Variants in LZTS1 observed in about 807,000 individuals in gnomAD.
The protein encoded by LZTS1 is leucine zipper putative tumor suppressor 1.
A neutral mutation model predicts 45.8 loss-of-function variants in LZTS1; 31 were observed. The observed-to-expected ratio is 0.68, with a 90% CI of 0.51 to 0.91. The LOEUF (loss-of-function observed/expected upper bound fraction) is 0.91. Ranked by LOEUF, LZTS1 falls within the 40% of genes least tolerant of loss-of-function variation. LZTS1 has a pLI of 0.00. For missense variants in LZTS1, 821 were observed against 788.9 expected, an observed-to-expected ratio of 1.04 and a Z score of -0.49; for synonymous variants, 359 against 357.3, an observed-to-expected ratio of 1.00 and a Z score of -0.05.
At chr8:20,261,079 C>T (rs1006032220) in intron 1 of LZTS1, among the ~76,000 whole-genome samples, 2 of 152,166 alleles carry the variant, frequency 1.3e-5, no homozygotes, top group South Asian at 2.1e-4. Flanking sequence ...TCAACAGACA[C>T]ATTTTTATTT....
chr8:20,297,321 A>G (rs1395390918), intron 1 of LZTS1, among the ~76,000 whole-genome samples: 1 of 152,222 alleles, frequency 6.6e-6, no homozygotes, highest in East Asian at 1.9e-4. Context: ...AGCTATAAAG[A>G]AAGAACTGAC....
At chr8:20,282,236 G>C (rs571357280) in intron 1 of LZTS1, among the ~76,000 whole-genome samples, 1 of 152,328 alleles carries the variant, frequency 6.6e-6, no homozygotes, top group African/African-American at 2.4e-5. Flanking sequence ...GAGACTTCAA[G>C]TTTCAGAGAG....
rs763688876 is a variant in LZTS1 at position 20,253,472 on chromosome 8, A to T, written c.459T>A (p.Pro153=). 25 of 1,605,756 alleles carry T rather than the reference A, an allele frequency of 1.6e-5. No individual in the cohort carries two copies. The highest frequency in any genetic ancestry group is 2.1e-5 in the Non-Finnish European group (25 of 1,176,838). ...GCTCCTGCTCCTTGGGCTTGTCTGG[A>T]GGGGCGGGGTGCAGCTGGTGGCTGG... ...ESASHQLHPA[P]PDKPKEQELK... The change falls in exon 3 of 4, where the codon CCT becomes CCA. Residue 153 remains proline (P), a synonymous_variant. Transcript: ENST00000381569.
At chr8:20,276,676 T>C (rs1006067335) in intron 1 of LZTS1, among the ~76,000 whole-genome samples, 2 of 152,234 alleles carry the variant, frequency 1.3e-5, no homozygotes, top group Non-Finnish European at 2.9e-5. Flanking sequence ...GCTGGGGTCA[T>C]GGGAACTCCA....
chr8:20,281,498 G>A (rs1394363124), intron 1 of LZTS1, among the ~76,000 whole-genome samples: 3 of 152,134 alleles, frequency 2.0e-5, no homozygotes, highest in Non-Finnish European at 1.5e-5. Flanking sequence ...GCTTGCACCT[G>A]AGGCAGAAGT....
In LZTS1 at chr8:20,281,375, C is replaced by A. The variant is rs542649927; in HGVS notation, c.-135+22365G>T. On this transcript the variant is annotated intron_variant, in intron 1 of 3. Transcript: ENST00000381569. Reference sequence around the variant, plus strand: ...AGCAGTTCAAGACCAGCCTGGCCAACATGGTGAAACCCCATCTCTACTAAA... The same window carrying A: ...AGCAGTTCAAGACCAGCCTGGCCAAAATGGTGAAACCCCATCTCTACTAAA... 1.1e-3 allele frequency among the ~76,000 whole-genome samples: 155 copies of A among 142,494 alleles called. 1 individual carries two copies. Among genetic ancestry groups the A allele is most frequent in the Admixed American group, 6.8e-3 (94 of 13,756 alleles). The allele number at this position is 142,494 out of a possible 152,430, so 93.5% of individuals were successfully genotyped here. A position where few individuals can be genotyped will look rare whatever the true frequency, so the allele number is the denominator to read the frequency against.
intron 1 of LZTS1, among the ~76,000 whole-genome samples, chr8:20,287,319 G>A (rs950871615): frequency 6.6e-6 from 1 of 152,254 alleles, no homozygotes; most frequent in African/African-American, 2.4e-5. Context: ...GGAGCTTCGT[G>A]CCCTGGAAGG....
intron 1 of LZTS1, among the ~76,000 whole-genome samples, chr8:20,276,345 C>T (rs1361275486): frequency 1.3e-5 from 2 of 151,730 alleles, no homozygotes; most frequent in Admixed American, 1.3e-4. Flanking sequence ...CAGCCACTGC[C>T]CCTAACCTCT....
intron 1 of LZTS1, among the ~76,000 whole-genome samples, chr8:20,282,180 G>A (rs1800706060): frequency 6.6e-6 from 1 of 152,184 alleles, no homozygotes; most frequent in South Asian, 2.1e-4. Context: ...TACCCTCACT[G>A]GCACTTACAA....
chr8:20,301,053 G>A (rs1332936860), intron 1 of LZTS1, among the ~76,000 whole-genome samples: 1 of 151,002 alleles, frequency 6.6e-6, no homozygotes, highest in Non-Finnish European at 1.5e-5. Flanking sequence ...CCCAGGAGGT[G>A]GAGGTTGCGG....
chr8:20,249,080 C>G lies in LZTS1; in HGVS notation c.*642G>C, dbSNP rs1167742762. 6.5e-6 allele frequency: 1 copy of G among 153,270 alleles called. No individual in the cohort carries two copies. The highest frequency in any genetic ancestry group is 1.9e-4 in the East Asian group (1 of 5,180). 9.5% of individuals were successfully genotyped at this position (153,270 alleles called of 1,614,324 possible). On this transcript the variant is annotated 3_prime_UTR_variant, in exon 4 of 4. Coordinates refer to ENST00000381569, the MANE Select transcript of LZTS1 (RefSeq NM_021020.5). The stretch of plus-strand genomic sequence containing the variant: ...CCATCACCCGCCACTGGCTCTCAAC[C>G]CTTGGATTCTCCCTCTGCCCTCCTC...
At chr8:20,253,852 G>A (rs879510918) in intron 2 of LZTS1, among the ~76,000 whole-genome samples, 1 of 152,112 alleles carries the variant, frequency 6.6e-6, no homozygotes. Flanking sequence ...CAGCCCTCCC[G>A]AGGTGATAAA....
At chr8:20,280,363 C>T (rs2128897187) in intron 1 of LZTS1, among the ~76,000 whole-genome samples, 1 of 152,274 alleles carries the variant, frequency 6.6e-6, no homozygotes, top group Admixed American at 6.5e-5. Context: ...GGCTCGTGTT[C>T]CTGCTGGCAG....
chr8:20,258,365 GT>G (rs986399348), intron 1 of LZTS1, among the ~76,000 whole-genome samples: 2 of 151,954 alleles, frequency 1.3e-5, no homozygotes, highest in African/African-American at 4.8e-5. Flanking sequence ...TTCTGACTCT[GT>G]TTTTTAATTT....
chr8:20,254,239 G>C (rs958143544), intron 2 of LZTS1, among the ~76,000 whole-genome samples: 1 of 152,224 alleles, frequency 6.6e-6, no homozygotes, highest in Non-Finnish European at 1.5e-5. Context: ...CTCGTGGGAC[G>C]CACGAGGGCT....
chr8:20,288,419 C>T (rs76206829), intron 1 of LZTS1, among the ~76,000 whole-genome samples: 22,356 of 152,090 alleles, frequency 0.15, 1,841 homozygotes, highest in South Asian at 0.27. Context: ...CAGTCCAGGG[C>T]GGGGAGGACA....
At chr8:20,259,941 AG>A (rs1800189918) in intron 1 of LZTS1, among the ~76,000 whole-genome samples, 1 of 151,272 alleles carries the variant, frequency 6.6e-6, no homozygotes, top group Admixed American at 6.6e-5. Flanking sequence ...CTGTCATCCA[AG>A]CTGGACTGCA....
intron 1 of LZTS1, among the ~76,000 whole-genome samples, chr8:20,279,055 ATC>A (rs1166429549): frequency 6.6e-6 from 1 of 152,138 alleles, no homozygotes; most frequent in Admixed American, 6.5e-5. Flanking sequence ...ACAACCTAGA[ATC>A]TCTTTCACAA....
In LZTS1 at chr8:20,250,117, C is replaced by G; in HGVS notation, c.1396G>C (p.Glu466Gln). The part of the protein sequence containing the change: ...RKKNEAELLR[E>Q]KVNLLEQELQ... Reference sequence around the variant, plus strand: ...TCCTGCTCCAGCAGGTTCACCTTCTCCCGCAGCAGCTCCGCCTCGTTCTTC... The same window carrying G: ...TCCTGCTCCAGCAGGTTCACCTTCTGCCGCAGCAGCTCCGCCTCGTTCTTC... The change falls in exon 4 of 4, where the codon GAG becomes CAG. Residue 466 changes from glutamate (E) to glutamine (Q), a missense_variant. Glu to Gln is a conservative substitution (Grantham distance 29, BLOSUM62 2). Coordinates refer to ENST00000381569, the MANE Select transcript of LZTS1 (RefSeq NM_021020.5). 1 of 1,607,514 alleles carries G rather than the reference C, an allele frequency of 6.2e-7. No individual in the cohort carries two copies. The highest frequency in any genetic ancestry group is 1.1e-5 in the South Asian group (1 of 91,024).
Sources: gnomAD v4.1 joint callset for allele counts (sites outside exome capture counted in the v4.1 genomes callset) on GRCh38, gnomAD v4.1.1 for gene constraint, MANE v1.5 for transcripts, NCBI Gene and HGNC (gene_info 2026-07-23, HGNC 2026-07-21) for gene names.